GAS7: variants seen among roughly 807,000 people sequenced by gnomAD.
GAS7 encodes growth arrest-specific protein 7.
GAS7 carries 28 observed loss-of-function variants against 71.1 expected under a neutral mutation model. That is an observed-to-expected ratio of 0.39 (90% confidence interval 0.29 to 0.54). The LOEUF is 0.54. GAS7 is among the 20% of genes least tolerant of loss of function. The pLI is 0.62. For synonymous variants in GAS7, 258 were observed against 245.8 expected (o/e 1.05, Z -0.46); for missense variants, 436 against 627.8 (o/e 0.69, Z 3.27).
At position 9,981,890 on chromosome 17, in the gene GAS7, GA is replaced by G; in HGVS notation, c.305-7del. The G allele has an allele frequency of 6.5e-7, 1 of 1,526,928 alleles. No individual in the cohort carries two copies. The highest frequency in any genetic ancestry group is 9.1e-7 in the Non-Finnish European group (1 of 1,100,694). The allele number at this position is 1,526,928 out of a possible 1,614,324, so 94.6% of individuals were successfully genotyped here. On this transcript the variant is annotated splice_region_variant and splice_polypyrimidine_tract_variant and intron_variant, in intron 2 of 13. Coordinates refer to ENST00000432992, the MANE Select transcript of GAS7 (RefSeq NM_201433.2). The surrounding 1 kb of genome is among the most constrained non-coding windows in gnomAD (Gnocchi z 4.4). ...GGGACGTTCCCAGGTGGTCTCTGGT[GA>G]AAGAAGAGCAAAGAAAATCACTTTG...
chr17:9,974,370 G>A lies in GAS7; in HGVS notation c.386-4608C>T, dbSNP rs2070098952. The stretch of plus-strand genomic sequence containing the variant: ...TCCTCATTGCTATTCCCTGTCCTGG[G>A]GGCTCCCGGCTCACCCAGGGTCAGC... On this transcript the variant is annotated intron_variant, in intron 3 of 13. Coordinates refer to ENST00000432992, the MANE Select transcript of GAS7 (RefSeq NM_201433.2). The surrounding 1 kb of genome is among the most constrained non-coding windows in gnomAD (Gnocchi z 4.0). Among the ~76,000 whole-genome samples, 3 of 151,990 alleles carry A rather than the reference G, an allele frequency of 2.0e-5. No individual in the cohort carries two copies. The South Asian group carries it at 6.2e-4, about 32-fold the overall frequency.
rs2069860795 is a variant in GAS7, at chr17:9,969,428, T to C, written c.471+249A>G. 6.6e-6 allele frequency among the ~76,000 whole-genome samples: 1 copy of C among 152,172 alleles called. No homozygotes were observed. The highest frequency in any genetic ancestry group is 2.4e-5 in the African/African-American group (1 of 41,444). On this transcript the variant is annotated intron_variant, in intron 4 of 13. Transcript: ENST00000432992. The surrounding 1 kb of genome is among the most constrained non-coding windows in gnomAD (Gnocchi z 5.5). ...CAGAGAATGGAACTCTCTGTCCTAA[T>C]GGTTTCAACCCCATCACCGTCAACC...
intron 3 of GAS7, among the ~76,000 whole-genome samples, chr17:9,973,441 A>T (rs968453829): frequency 6.6e-6 from 1 of 151,894 alleles, no homozygotes; most frequent in African/African-American, 2.4e-5. Context: ...TTTAGTGGAG[A>T]CGGGGTTTCA....
intron 5 of GAS7, among the ~76,000 whole-genome samples, chr17:9,952,004 C>T (rs916097081): frequency 6.6e-6 from 1 of 152,134 alleles, no homozygotes. Flanking sequence ...TTCAATGATG[C>T]ATCCTGGCTG....
Position 9,959,448 on chromosome 17 carries a change from G to A in GAS7, c.472-193C>T. 1.4e-6 allele frequency: 2 copies of A among 1,433,246 alleles called. No individual in the cohort carries two copies. The highest frequency in any genetic ancestry group is 1.8e-6 in the Non-Finnish European group (2 of 1,095,844). The allele number at this position is 1,433,246 out of a possible 1,614,324, so 88.8% of individuals were successfully genotyped here. On this transcript the variant is annotated intron_variant, in intron 4 of 13. Coordinates refer to ENST00000432992, the MANE Select transcript of GAS7 (RefSeq NM_201433.2). The surrounding 1 kb of genome is among the most constrained non-coding windows in gnomAD (Gnocchi z 5.0). ...ACGCTGTTCCCACGCCCAGCTCTCG[G>A]GCTGAAGGCGAATTAAGGAAGCCTC... is the stretch of plus-strand genomic sequence containing the variant.
Position 10,184,996 on chromosome 17 carries a change from G to A in GAS7, c.183+13212C>T, listed in dbSNP as rs932874080. 6.6e-5 allele frequency among the ~76,000 whole-genome samples: 10 copies of A among 150,646 alleles called. No individual in the cohort carries two copies. The East Asian group carries it at 1.2e-3, about 18-fold the overall frequency. Reference sequence around the variant, plus strand: ...GGCTGGAGTGCAGTGGTGTGATCTAGGCTCACTGCAACCTCCACCTCCCAG... The same window carrying A: ...GGCTGGAGTGCAGTGGTGTGATCTAAGCTCACTGCAACCTCCACCTCCCAG... On this transcript the variant is annotated intron_variant, in intron 1 of 13. Transcript: ENST00000432992.
Position 10,059,645 on chromosome 17 carries a change from G to A in GAS7, c.184-39748C>T, listed in dbSNP as rs540542121. 2.9e-5 allele frequency: 28 copies of A among 975,530 alleles called. No individual in the cohort carries two copies. In the South Asian group the frequency reaches 5.7e-4, roughly 20 times the overall value. 60.4% of individuals were successfully genotyped at this position (975,530 alleles called of 1,614,324 possible). ...CACTCAACCTGGTCCAATTAGCTTC[G>A]AGCATCTGCATCAAAGATAACCAGC... On this transcript the variant is annotated intron_variant, in intron 1 of 13. Coordinates refer to ENST00000432992, the MANE Select transcript of GAS7 (RefSeq NM_201433.2).
intron 1 of GAS7, among the ~76,000 whole-genome samples, chr17:10,191,471 G>A (rs1018681507): frequency 1.3e-4 from 19 of 148,828 alleles, no homozygotes; most frequent in Admixed American, 9.5e-4. Context: ...TTGGAGGATC[G>A]TTTGAGCCCA....
chr17:10,153,044 A>C (rs1437085863), intron 1 of GAS7, among the ~76,000 whole-genome samples: 1 of 150,538 alleles, frequency 6.6e-6, no homozygotes, highest in Admixed American at 6.6e-5. Context: ...AATACAAAAA[A>C]AAAAAAAAAA....
At chr17:10,130,952 G>A (rs1395325439) in intron 1 of GAS7, among the ~76,000 whole-genome samples, 5 of 152,222 alleles carry the variant, frequency 3.3e-5, no homozygotes, top group African/African-American at 1.2e-4. Flanking sequence ...ACAACTCCAT[G>A]AATGTACTAA....
At chr17:10,060,282 C>T (rs942671608) in intron 1 of GAS7, among the ~76,000 whole-genome samples, 2 of 152,244 alleles carry the variant, frequency 1.3e-5, no homozygotes, top group African/African-American at 4.8e-5. Context: ...AGCCGAGTGA[C>T]ACTGGGCAGG....
intron 1 of GAS7, among the ~76,000 whole-genome samples, chr17:10,069,089 A>G (rs1410678263): frequency 1.3e-5 from 2 of 152,190 alleles, no homozygotes; most frequent in African/African-American, 4.8e-5. Flanking sequence ...TATTACTCAC[A>G]TGAACAGTTT....
intron 1 of GAS7, among the ~76,000 whole-genome samples, chr17:10,137,739 C>T (rs2074049902): frequency 1.3e-5 from 2 of 151,964 alleles, no homozygotes; most frequent in Admixed American, 1.3e-4. Flanking sequence ...CGGGGTTTTG[C>T]CATGTTGGTC....
chr17:10,177,713 C>G (rs1310750429), intron 1 of GAS7, among the ~76,000 whole-genome samples: 1 of 152,188 alleles, frequency 6.6e-6, no homozygotes, highest in Non-Finnish European at 1.5e-5. Flanking sequence ...CACCGTAACC[C>G]TTTCCAACTT....
At position 10,024,065 on chromosome 17, in the gene GAS7, C is replaced by T. The variant is rs936404298; in HGVS notation, c.184-4168G>A. ...CTTGAACCTGGGAGGCGGAGGTTGC[C>T]GTGAGCCAAGACTGCGCCATTGTAC... On this transcript the variant is annotated intron_variant, in intron 1 of 13. Transcript: ENST00000432992. Among the ~76,000 whole-genome samples the T allele has an allele frequency of 7.9e-5, 12 of 152,106 alleles. No homozygotes were observed. In the South Asian group the frequency reaches 1.2e-3, roughly 16 times the overall value.
chr17:9,955,552 T>TA lies in GAS7; in HGVS notation c.525+3649dup, dbSNP rs542708401. Among the ~76,000 whole-genome samples the TA allele has an allele frequency of 5.2e-3, 797 of 152,326 alleles. 5 individuals carry two copies. Among genetic ancestry groups the TA allele is most frequent in the African/African-American group, 0.018 (736 of 41,574 alleles). Reference sequence around the variant, plus strand: ...TGAGGCACAGAGAGGCTAAGTCACTTATGCAAGATCACACAGTTTGTGCAT... The same window carrying TA: ...TGAGGCACAGAGAGGCTAAGTCACTTAATGCAAGATCACACAGTTTGTGCAT... On this transcript the variant is annotated intron_variant, in intron 5 of 13. Transcript: ENST00000432992.
At position 10,105,055 on chromosome 17, in the gene GAS7, C is replaced by T. The variant is rs2073743925; in HGVS notation, c.184-85158G>A. 2.0e-5 allele frequency among the ~76,000 whole-genome samples: 3 copies of T among 152,222 alleles called. No individual in the cohort carries two copies. In the South Asian group the frequency reaches 6.2e-4, roughly 32 times the overall value. On this transcript the variant is annotated intron_variant, in intron 1 of 13. Transcript: ENST00000432992. ...CCTTACACTGTTTTCTGCTCTTCCC[C>T]TCCAGCCACCCTGACCTTCTAGCTC...
In GAS7 at chr17:10,026,001, T is replaced by C. The variant is rs902702899; in HGVS notation, c.184-6104A>G. The stretch of plus-strand genomic sequence containing the variant: ...AAACTATTTAACAGACGGTGGAGGT[T>C]GTCTCTGCAGCCTCCAGGCAGTACA... On this transcript the variant is annotated intron_variant, in intron 1 of 13. Coordinates refer to ENST00000432992, the MANE Select transcript of GAS7 (RefSeq NM_201433.2). The surrounding 1 kb of genome is among the most constrained non-coding windows in gnomAD (Gnocchi z 4.5). The C allele has an allele frequency of 2.4e-5, 4 of 166,002 alleles. No individual in the cohort carries two copies. The highest frequency in any genetic ancestry group is 6.5e-5 in the Admixed American group (1 of 15,276). The allele number at this position is 166,002 out of a possible 1,614,324, so 10.3% of individuals were successfully genotyped here. A position where few individuals can be genotyped will look rare whatever the true frequency, so the allele number is the denominator to read the frequency against.
intron 1 of GAS7, among the ~76,000 whole-genome samples, chr17:10,068,817 G>A (rs1371012695): frequency 2.0e-5 from 3 of 151,874 alleles, no homozygotes; most frequent in Non-Finnish European, 4.4e-5. Flanking sequence ...CAAAATCAGT[G>A]AAGGGACACA....
Sources: gnomAD v4.1 joint callset for allele counts (sites outside exome capture counted in the v4.1 genomes callset) on GRCh38, gnomAD v4.1.1 for gene constraint, Gnocchi (gnomAD v3.1) non-coding constraint, MANE v1.5 for transcripts, NCBI Gene and HGNC (gene_info 2026-07-23, HGNC 2026-07-21) for gene names.